Variants in SLC4A10 observed in about 807,000 individuals in gnomAD.
The protein encoded by SLC4A10 is sodium-driven chloride bicarbonate exchanger.
Under a neutral mutation model 137.7 loss-of-function variants are expected in SLC4A10, and 42 were observed. The ratio of observed to expected loss-of-function variants is 0.30; its 90% CI spans 0.24 to 0.39. SLC4A10 has a LOEUF of 0.39. SLC4A10 is among the 10% of genes least tolerant of loss of function. The probability of loss-of-function intolerance (pLI) is 1.00; values close to 1 mark genes in which losing one functional copy is unlikely to be tolerated. For synonymous variants in SLC4A10, 474 were observed against 464.1 expected (o/e 1.02, Z -0.27); for missense variants, 925 against 1,355.0 (o/e 0.68, Z 4.98).
chr2:161,711,887 G>A (rs1004614265), intron 1 of SLC4A10, among the ~76,000 whole-genome samples: 1 of 151,760 alleles, frequency 6.6e-6, no homozygotes, highest in Non-Finnish European at 1.5e-5. Flanking sequence ...CATTAAGTGA[G>A]TTAATGTATG....
chr2:161,973,514 TC>T (rs1698908247), intron 23 of SLC4A10, among the ~76,000 whole-genome samples: 1 of 152,196 alleles, frequency 6.6e-6, no homozygotes, highest in South Asian at 2.1e-4. Flanking sequence ...TGGAATATTG[TC>T]ATTATAAGAA....
chr2:161,877,032 T>C (rs776321336), intron 8 of SLC4A10, among the ~76,000 whole-genome samples: 5 of 152,106 alleles, frequency 3.3e-5, no homozygotes, highest in Non-Finnish European at 7.4e-5. Context: ...AATGATATAT[T>C]AGGTATTTTG....
chr2:161,789,024 T>C (rs2053930415), intron 2 of SLC4A10, among the ~76,000 whole-genome samples: 1 of 152,192 alleles, frequency 6.6e-6, no homozygotes, highest in African/African-American at 2.4e-5. Context: ...TTCTGAGGTA[T>C]GTTTGCAGGG....
chr2:161,709,413 C>T (rs1311959555), intron 1 of SLC4A10, among the ~76,000 whole-genome samples: 1 of 151,556 alleles, frequency 6.6e-6, no homozygotes, highest in African/African-American at 2.4e-5. Flanking sequence ...ATTATCTGAA[C>T]TGTTGTAAAG....
chr2:161,983,343 C>A lies in SLC4A10; in HGVS notation c.*191C>A. The A allele has an allele frequency of 1.9e-6, 2 of 1,059,414 alleles. No individual in the cohort carries two copies. The highest frequency in any genetic ancestry group is 2.7e-6 in the Non-Finnish European group (2 of 730,944). The allele number at this position is 1,059,414 out of a possible 1,614,324, so 65.6% of individuals were successfully genotyped here. ...TGTATTGTAAATTCTGTCCCTCAAC[C>A]CAAATCCACCTTCATACTGTAAGTA... On this transcript the variant is annotated 3_prime_UTR_variant, in exon 27 of 27. Transcript: ENST00000446997.
chr2:161,665,122 ATAG>A (rs2038897067), intron 1 of SLC4A10, among the ~76,000 whole-genome samples: 1 of 151,804 alleles, frequency 6.6e-6, no homozygotes, highest in South Asian at 2.1e-4. Context: ...CAATCCAAAA[ATAG>A]TAGCGGCTTT....
At chr2:161,756,457 CT>C (rs781159434) in intron 1 of SLC4A10, among the ~76,000 whole-genome samples, 36 of 152,242 alleles carry the variant, frequency 2.4e-4, no homozygotes, top group Middle Eastern at 3.4e-3. Context: ...TGTAAATTAT[CT>C]GTTGCTTAAT....
intron 2 of SLC4A10, among the ~76,000 whole-genome samples, chr2:161,784,739 A>G (rs576324353): frequency 1.3e-5 from 2 of 151,816 alleles, no homozygotes; most frequent in South Asian, 2.1e-4. Flanking sequence ...CTTATGGTAT[A>G]CAGCCAAAGC....
intron 5 of SLC4A10, among the ~76,000 whole-genome samples, chr2:161,860,846 A>T: frequency 6.6e-6 from 1 of 152,218 alleles, no homozygotes; most frequent in East Asian, 1.9e-4. Context: ...CGTGCCACAT[A>T]TGGCCGACTG....
At chr2:161,812,003 T>TG (rs1202021287) in intron 3 of SLC4A10, among the ~76,000 whole-genome samples, 3 of 152,126 alleles carry the variant, frequency 2.0e-5, no homozygotes, top group Non-Finnish European at 4.4e-5. Context: ...ATAAATGTTC[T>TG]GGGTAGCAAT....
At chr2:161,724,588 T>C (rs2046029531) in intron 1 of SLC4A10, among the ~76,000 whole-genome samples, 1 of 152,176 alleles carries the variant, frequency 6.6e-6, no homozygotes, top group Non-Finnish European at 1.5e-5. Context: ...CTGGGGGTTG[T>C]CAAGAAAAGC....
intron 1 of SLC4A10, among the ~76,000 whole-genome samples, chr2:161,762,474 G>A (rs1269671607): frequency 2.0e-5 from 3 of 152,070 alleles, no homozygotes; most frequent in African/African-American, 7.2e-5. Context: ...AAGCAGTTGA[G>A]TCTTTCATAT....
At chr2:161,674,309 A>G (rs1359990470) in intron 1 of SLC4A10, among the ~76,000 whole-genome samples, 1 of 152,206 alleles carries the variant, frequency 6.6e-6, no homozygotes, top group Non-Finnish European at 1.5e-5. Context: ...ACCTCACAGC[A>G]TTGTGAAGTA....
chr2:161,707,982 C>T (rs1458756621), intron 1 of SLC4A10, among the ~76,000 whole-genome samples: 2 of 150,566 alleles, frequency 1.3e-5, no homozygotes, highest in African/African-American at 4.9e-5. Flanking sequence ...AAGGAAGATT[C>T]CTTCAAGAGA....
chr2:161,957,099 T>C lies in SLC4A10; in HGVS notation c.2652T>C (p.His884=), dbSNP rs373234260. 111 of 1,613,518 alleles carry C rather than the reference T, an allele frequency of 6.9e-5. No homozygotes were observed. In the African/African-American group the frequency reaches 9.6e-4, roughly 14 times the overall value. Residue 884 remains histidine (H), a synonymous_variant, in exon 20 of 27, where the codon CAT becomes CAC. Transcript: ENST00000446997. ...FVAATVLSIT[H]VNSLKLESEC... The stretch of plus-strand genomic sequence containing the variant: ...CTGCCACAGTCCTCTCCATCACTCA[T>C]GTCAATAGCCTAAAACTGGAATCAG...
chr2:161,803,188 T>C (rs1161668089), intron 2 of SLC4A10, among the ~76,000 whole-genome samples: 1 of 152,180 alleles, frequency 6.6e-6, no homozygotes, highest in Non-Finnish European at 1.5e-5. Context: ...CTACAAATGT[T>C]AACTTTGTTG....
intron 2 of SLC4A10, among the ~76,000 whole-genome samples, chr2:161,795,865 T>C (rs897379560): frequency 1.1e-4 from 16 of 152,132 alleles, no homozygotes; most frequent in African/African-American, 3.9e-4. Context: ...TCTAAACTCT[T>C]ATAGCTATCT....
intron 15 of SLC4A10, among the ~76,000 whole-genome samples, chr2:161,932,276 C>T (rs973457061): frequency 6.6e-6 from 1 of 152,094 alleles, no homozygotes; most frequent in Non-Finnish European, 1.5e-5. Flanking sequence ...GCTTGTTCAC[C>T]TAATTCTTTT....
chr2:161,691,292 A>G (rs781014582), intron 1 of SLC4A10, among the ~76,000 whole-genome samples: 14 of 134,930 alleles, frequency 1.0e-4, no homozygotes, highest in Non-Finnish European at 1.4e-4. Flanking sequence ...GATAGAGAGT[A>G]GAAGGATGGT....
Sources: gnomAD v4.1 joint callset for allele counts (sites outside exome capture counted in the v4.1 genomes callset) on GRCh38, gnomAD v4.1.1 for gene constraint, MANE v1.5 for transcripts, NCBI Gene and HGNC (gene_info 2026-07-23, HGNC 2026-07-21) for gene names.